The following GMDS variants were observed in gnomAD, a reference collection of about 807,000 sequenced individuals.
GMDS encodes GDP-mannose 4,6 dehydratase.
In GMDS, 20 loss-of-function variants were observed where a neutral mutation model predicts 49.9. The observed-to-expected ratio is 0.40, with a 90% CI of 0.28 to 0.58. The LOEUF (loss-of-function observed/expected upper bound fraction) is 0.58. GMDS is among the 20% of genes least tolerant of loss of function. The pLI, the probability that GMDS is intolerant of heterozygous loss-of-function variation, is 0.42. For synonymous variants in GMDS, 177 were observed against 178.6 expected, an observed-to-expected ratio of 0.99 and a Z score of 0.07; for missense variants, 362 against 481.4, an observed-to-expected ratio of 0.75 and a Z score of 2.32.
At chr6:1,962,494 G>A (rs1055565203) in intron 4 of GMDS, among the ~76,000 whole-genome samples, 1 of 152,118 alleles carries the variant, frequency 6.6e-6, no homozygotes, top group South Asian at 2.1e-4. Flanking sequence ...AAATGCCTGC[G>A]TCATTTCACC....
At chr6:1,816,673 T>G (rs1770684934) in intron 7 of GMDS, among the ~76,000 whole-genome samples, 1 of 152,212 alleles carries the variant, frequency 6.6e-6, no homozygotes, top group Admixed American at 6.5e-5. Context: ...GTGCACAGAA[T>G]TAACAGGTTT....
rs1761862797 is a variant in GMDS, at chr6:1,924,011, A to T, written c.771+6092T>A. Among the ~76,000 whole-genome samples the T allele has an allele frequency of 4.6e-5, 7 of 152,166 alleles. No individual in the cohort carries two copies. In the South Asian group the frequency reaches 1.5e-3, roughly 32 times the overall value. ...AATTCATTCAGAGGACAAGGGATAG[A>T]GGGGGCTGGAGACCTGACTACATAT... is the stretch of plus-strand genomic sequence containing the variant. On this transcript the variant is annotated intron_variant, in intron 7 of 10. Transcript: ENST00000380815.
At chr6:2,176,085 C>T (rs547651623) in intron 1 of GMDS, 1 of 1,020,312 alleles carries the variant, frequency 9.8e-7, no homozygotes, top group Non-Finnish European at 1.4e-6. Flanking sequence ...TGCACACTGA[C>T]AACATGTAAT....
At chr6:2,007,477 C>A (rs1334636821) in intron 4 of GMDS, among the ~76,000 whole-genome samples, 1 of 152,162 alleles carries the variant, frequency 6.6e-6, no homozygotes, top group East Asian at 1.9e-4. Flanking sequence ...AGAACATTAT[C>A]TGTCCAGGCT....
chr6:2,138,522 G>A (rs962879949), intron 1 of GMDS, among the ~76,000 whole-genome samples: 1 of 152,116 alleles, frequency 6.6e-6, no homozygotes, highest in Middle Eastern at 3.2e-3. Context: ...TTAGATTTCT[G>A]TCCCTCCAAA....
At chr6:2,127,319 T>C (rs1195282471) in intron 1 of GMDS, among the ~76,000 whole-genome samples, 1 of 152,204 alleles carries the variant, frequency 6.6e-6, no homozygotes, top group Admixed American at 6.5e-5. Context: ...CTATTATTGT[T>C]TTGAAGCAGG....
chr6:1,809,299 G>C (rs1011773184), intron 7 of GMDS, among the ~76,000 whole-genome samples: 63 of 152,202 alleles, frequency 4.1e-4, no homozygotes, highest in Non-Finnish European at 1.3e-4. Flanking sequence ...AGACATCTGA[G>C]ATGTATGTGG....
chr6:2,119,484 C>G (rs1470226126), intron 2 of GMDS, among the ~76,000 whole-genome samples: 1 of 152,114 alleles, frequency 6.6e-6, no homozygotes, highest in African/African-American at 2.4e-5. Context: ...TAATCCATGA[C>G]AGCAGGTATT....
chr6:2,050,363 C>T (rs1770307350), intron 4 of GMDS, among the ~76,000 whole-genome samples: 1 of 152,074 alleles, frequency 6.6e-6, no homozygotes, highest in African/African-American at 2.4e-5. Flanking sequence ...CAATAACAGG[C>T]TCTGAAATTG....
At chr6:1,765,222 A>G (rs1488630182) in intron 7 of GMDS, among the ~76,000 whole-genome samples, 1 of 152,258 alleles carries the variant, frequency 6.6e-6, no homozygotes, top group Non-Finnish European at 1.5e-5. Flanking sequence ...GCATGGTAGC[A>G]ATTCTAATGC....
intron 7 of GMDS, among the ~76,000 whole-genome samples, chr6:1,916,336 G>C (rs56917711): frequency 1.3e-5 from 2 of 152,130 alleles, no homozygotes; most frequent in East Asian, 3.9e-4. Flanking sequence ...CTTCACGTGC[G>C]GGGGTGGGGG....
At chr6:1,750,593 C>G (rs761523431) in intron 7 of GMDS, among the ~76,000 whole-genome samples, 1 of 152,170 alleles carries the variant, frequency 6.6e-6, no homozygotes, top group Non-Finnish European at 1.5e-5. Flanking sequence ...ACCCACAGAC[C>G]AGGAGATTCC....
intron 1 of GMDS, among the ~76,000 whole-genome samples, chr6:2,125,275 T>TAAAACAAAACAAAAC (rs374647835): frequency 0.024 from 3,609 of 151,316 alleles, 138 homozygotes; most frequent in African/African-American, 0.083. Flanking sequence ...TTAGCACTGT[T>TAAAACAAAACAAAAC]AAAACAAAAC....
intron 4 of GMDS, among the ~76,000 whole-genome samples, chr6:2,032,037 A>C (rs1368571249): frequency 1.3e-5 from 2 of 152,198 alleles, no homozygotes; most frequent in African/African-American, 4.8e-5. Flanking sequence ...TATTATTGAA[A>C]ATGGGCACAC....
intron 4 of GMDS, among the ~76,000 whole-genome samples, chr6:1,962,953 T>C (rs1268268578): frequency 2.0e-5 from 3 of 151,306 alleles, no homozygotes; most frequent in Non-Finnish European, 4.4e-5. Flanking sequence ...CTGGACTCAC[T>C]GCAACCTCTG....
intron 1 of GMDS, among the ~76,000 whole-genome samples, chr6:2,163,734 G>A (rs1387636424): frequency 6.6e-6 from 1 of 152,150 alleles, no homozygotes; most frequent in African/African-American, 2.4e-5. Flanking sequence ...ACCCACATTA[G>A]ACACACAGGA....
At chr6:1,969,104 A>G (rs951180923) in intron 4 of GMDS, among the ~76,000 whole-genome samples, 19 of 151,824 alleles carry the variant, frequency 1.3e-4, no homozygotes, top group Admixed American at 6.6e-4. Flanking sequence ...TACTAAAAAT[A>G]CAAAAAAATT....
At chr6:1,813,391 C>A (rs954412395) in intron 7 of GMDS, among the ~76,000 whole-genome samples, 5 of 152,028 alleles carry the variant, frequency 3.3e-5, no homozygotes, top group African/African-American at 4.8e-5. Context: ...AGAAACCCAG[C>A]GCTCAATGCC....
chr6:1,651,801 G>C (rs2814810), intron 9 of GMDS, among the ~76,000 whole-genome samples: 114,880 of 152,116 alleles, frequency 0.76, 43,548 homozygotes, highest in East Asian at 0.93. Flanking sequence ...GTATGCAAAA[G>C]CCCTACACCT....
Sources: allele counts gnomAD v4.1 joint callset (sites outside exome capture counted in the v4.1 genomes callset), GRCh38; gene constraint gnomAD v4.1.1; transcripts MANE v1.5; gene names NCBI Gene and HGNC (gene_info 2026-07-23, HGNC 2026-07-21).